Variants in ARHGAP42 observed in about 807,000 individuals in gnomAD.
The protein encoded by ARHGAP42 is rho GTPase-activating protein 42.
Under a neutral mutation model 125.0 loss-of-function variants are expected in ARHGAP42, and 63 were observed. The ratio of observed to expected loss-of-function variants is 0.50; its 90% CI spans 0.41 to 0.62. The LOEUF (loss-of-function observed/expected upper bound fraction) is 0.62, where lower values mean the gene tolerates loss of function less well. ARHGAP42 is among the 20% of genes least tolerant of loss of function. The pLI is 0.00. For synonymous variants in ARHGAP42, 339 were observed against 351.0 expected, an observed-to-expected ratio of 0.97 and a Z score of 0.38; for missense variants, 766 against 1,024.2, an observed-to-expected ratio of 0.75 and a Z score of 3.44.
At chr11:100,805,618 C>G (rs561119391) in intron 3 of ARHGAP42, among the ~76,000 whole-genome samples, 1 of 152,130 alleles carries the variant, frequency 6.6e-6, no homozygotes, top group Non-Finnish European at 1.5e-5. Context: ...GGCTGTTCAA[C>G]TGACTATACT....
At chr11:100,773,275 T>G (rs1256302307) in intron 2 of ARHGAP42, among the ~76,000 whole-genome samples, 5 of 152,218 alleles carry the variant, frequency 3.3e-5, no homozygotes, top group Admixed American at 3.3e-4. Context: ...ATGACATAAT[T>G]TTCCTTATAA....
At chr11:100,792,317 G>A (rs990352695) in intron 2 of ARHGAP42, among the ~76,000 whole-genome samples, 2 of 152,124 alleles carry the variant, frequency 1.3e-5, no homozygotes, top group African/African-American at 2.4e-5. Context: ...AGCATTTGTA[G>A]CATGTTTTAT....
intron 4 of ARHGAP42, among the ~76,000 whole-genome samples, chr11:100,901,441 T>C (rs1866544040): frequency 6.6e-6 from 1 of 152,222 alleles, no homozygotes; most frequent in Non-Finnish European, 1.5e-5. Flanking sequence ...ACTGCTCTCT[T>C]CACCATTGTC....
At chr11:100,771,184 G>A (rs1862969291) in intron 2 of ARHGAP42, among the ~76,000 whole-genome samples, 1 of 152,142 alleles carries the variant, frequency 6.6e-6, no homozygotes, top group East Asian at 1.9e-4. Flanking sequence ...TGCGGATCAG[G>A]AGACTTGAAC....
chr11:100,825,255 A>G (rs1487785629), intron 3 of ARHGAP42, among the ~76,000 whole-genome samples: 1 of 152,098 alleles, frequency 6.6e-6, no homozygotes, highest in Admixed American at 6.6e-5. Context: ...ATTATGTTCT[A>G]TGTTTATTTC....
At chr11:100,766,549 A>G (rs1471030377) in intron 1 of ARHGAP42, among the ~76,000 whole-genome samples, 2 of 152,188 alleles carry the variant, frequency 1.3e-5, no homozygotes, top group Non-Finnish European at 2.9e-5. Context: ...TAGAAACTTT[A>G]GTTAGACAAT....
In ARHGAP42 at chr11:100,990,140, T is replaced by A. The variant is rs1017047113; in HGVS notation, c.*1339T>A. ...AATTCTAATATATTATTTCTATAAA[T>A]GTAATATCTGTATGTGGCAAAGAGC... On this transcript the variant is annotated 3_prime_UTR_variant, in exon 24 of 24. Transcript: ENST00000298815. 2.0e-5 allele frequency: 3 copies of A among 152,186 alleles called. No homozygotes were observed. The highest frequency in any genetic ancestry group is 4.8e-5 in the African/African-American group (2 of 41,454). 9.4% of individuals were successfully genotyped at this position (152,186 alleles called of 1,614,324 possible).
rs78072535 is a variant in ARHGAP42 at position 100,915,660 on chromosome 11, C to A, written c.486+2107C>A. ...TTAGGCTATGGTATAATAGAATATT[C>A]ATTCTGGTTCCATGTTTAAGTGGAG... On this transcript the variant is annotated intron_variant, in intron 5 of 23. Transcript: ENST00000298815. Among the ~76,000 whole-genome samples the A allele has an allele frequency of 2.0e-3, 298 of 152,232 alleles. 2 individuals are homozygous for A. Among genetic ancestry groups the A allele is most frequent in the African/African-American group, 6.6e-3 (275 of 41,546 alleles).
intron 1 of ARHGAP42, among the ~76,000 whole-genome samples, chr11:100,736,128 G>A (rs147442228): frequency 3.4e-4 from 52 of 152,332 alleles, no homozygotes; most frequent in African/African-American, 1.1e-3. Flanking sequence ...AATGGGAGAT[G>A]ATAATGTGGT....
intron 21 of ARHGAP42, 123 bp downstream of exon 21, chr11:100,977,094 G>A: frequency 8.9e-7 from 1 of 1,125,234 alleles, no homozygotes; most frequent in African/African-American, 1.6e-5. Flanking sequence ...CTGTAGAGTG[G>A]GTACAGTCCA....
intron 3 of ARHGAP42, among the ~76,000 whole-genome samples, chr11:100,813,144 G>A (rs548399177): frequency 1.2e-4 from 18 of 151,922 alleles, no homozygotes; most frequent in South Asian, 2.1e-4. Flanking sequence ...AAAGGGAGGC[G>A]GCAATGATGT....
chr11:100,949,839 T>A, intron 11 of ARHGAP42, 78 bp from the exon 12 acceptor site: 1 of 908,134 alleles, frequency 1.1e-6, no homozygotes, highest in Admixed American at 2.8e-5. Flanking sequence ...CATCTATTAG[T>A]GTACAGATAT....
At chr11:100,919,313 C>T (rs1353835756) in intron 5 of ARHGAP42, among the ~76,000 whole-genome samples, 1 of 152,132 alleles carries the variant, frequency 6.6e-6, no homozygotes, top group Non-Finnish European at 1.5e-5. Context: ...TTTGTACAAA[C>T]AGTTTAGGTG....
intron 4 of ARHGAP42, among the ~76,000 whole-genome samples, chr11:100,874,147 A>G (rs1865758622): frequency 6.6e-6 from 1 of 152,140 alleles, no homozygotes; most frequent in African/African-American, 2.4e-5. Context: ...ATACATACGG[A>G]TGTTCAGAGC....
intron 23 of ARHGAP42, among the ~76,000 whole-genome samples, chr11:100,988,093 A>G (rs1858732475): frequency 6.6e-6 from 1 of 152,096 alleles, no homozygotes; most frequent in African/African-American, 2.4e-5. Context: ...GCACCACTGC[A>G]CTCCAGCCTG....
chr11:100,985,253 G>T (rs528431641), intron 22 of ARHGAP42, among the ~76,000 whole-genome samples: 1 of 152,084 alleles, frequency 6.6e-6, no homozygotes, highest in Non-Finnish European at 1.5e-5. Flanking sequence ...CTACAACTTC[G>T]GAGATTGTTT....
intron 3 of ARHGAP42, among the ~76,000 whole-genome samples, chr11:100,795,648 G>A (rs1025190278): frequency 1.3e-5 from 2 of 152,196 alleles, no homozygotes; most frequent in African/African-American, 4.8e-5. Context: ...ATTCTAGATT[G>A]ATGGATGAAT....
chr11:100,720,233 T>C (rs1861736416), intron 1 of ARHGAP42, among the ~76,000 whole-genome samples: 1 of 152,176 alleles, frequency 6.6e-6, no homozygotes, highest in Admixed American at 6.5e-5. Flanking sequence ...CAGCAGCCTT[T>C]TACTGATTGC....
chr11:100,960,037 T>A, intron 13 of ARHGAP42, 92 bp downstream of exon 13: 1 of 1,173,208 alleles, frequency 8.5e-7, no homozygotes, highest in African/African-American at 1.5e-5. Context: ...GAAGATGTAT[T>A]TGGTCATTAA....
Sources: gnomAD v4.1 joint callset for allele counts (sites outside exome capture counted in the v4.1 genomes callset) on GRCh38, gnomAD v4.1.1 for gene constraint, MANE v1.5 for transcripts, NCBI Gene and HGNC (gene_info 2026-07-23, HGNC 2026-07-21) for gene names.